The following IQCM variants were observed in gnomAD, a reference collection of about 807,000 sequenced individuals.
The protein encoded by IQCM is IQ motif containing M.
IQCM carries 45 observed loss-of-function variants against 57.6 expected under a neutral mutation model. That is an observed-to-expected ratio of 0.78 (90% confidence interval 0.62 to 1.00). The LOEUF (loss-of-function observed/expected upper bound fraction) is 1.00, where lower values mean the gene tolerates loss of function less well. Ranked by LOEUF, IQCM falls within the 50% of genes least tolerant of loss-of-function variation. The probability of loss-of-function intolerance (pLI) is 0.00; values close to 1 mark genes in which losing one functional copy is unlikely to be tolerated. For missense variants in IQCM, 468 were observed against 511.6 expected, an observed-to-expected ratio of 0.91 and a Z score of 0.82; for synonymous variants, 148 against 158.9, an observed-to-expected ratio of 0.93 and a Z score of 0.51.
intron 7 of IQCM, among the ~76,000 whole-genome samples, chr4:149,622,795 C>G (rs1756464647): frequency 6.6e-6 from 1 of 152,106 alleles, no homozygotes; most frequent in African/African-American, 2.4e-5. Context: ...AAGAATTCCC[C>G]AGCTCATGGG....
chr4:149,370,881 T>TAA (rs56752463), intron 13 of IQCM, among the ~76,000 whole-genome samples: 27,359 of 152,108 alleles, frequency 0.18, 2,629 homozygotes, highest in South Asian at 0.33. Flanking sequence ...TTTATTTTGT[T>TAA]AATTCTTTAT....
chr4:149,571,238 A>G (rs1006400945), intron 9 of IQCM, among the ~76,000 whole-genome samples: 1 of 152,128 alleles, frequency 6.6e-6, no homozygotes, highest in East Asian at 1.9e-4. Flanking sequence ...TATGGAATCA[A>G]CCTAAGTGTT....
At chr4:149,682,265 C>A (rs1031180522) in intron 6 of IQCM, 59 bp from the exon 7 acceptor site, 1 of 671,260 alleles carries the variant, frequency 1.5e-6, no homozygotes, top group Non-Finnish European at 2.1e-6. Context: ...TAATACAAAT[C>A]TTCAACACTA....
chr4:149,589,820 G>A (rs1452492889), intron 8 of IQCM, among the ~76,000 whole-genome samples: 3 of 151,950 alleles, frequency 2.0e-5, no homozygotes, highest in Non-Finnish European at 4.4e-5. Flanking sequence ...AATAAAGCAG[G>A]AAGCAGGACC....
chr4:149,396,983 T>C (rs1732274540), intron 13 of IQCM, among the ~76,000 whole-genome samples: 1 of 152,022 alleles, frequency 6.6e-6, no homozygotes. Flanking sequence ...ATCTTGGCTA[T>C]TGTGAATCAT....
At chr4:149,388,346 A>G (rs1731571500) in intron 13 of IQCM, among the ~76,000 whole-genome samples, 2 of 151,398 alleles carry the variant, frequency 1.3e-5, no homozygotes, top group African/African-American at 4.8e-5. Flanking sequence ...TCATGGATAT[A>G]TGAATACATT....
chr4:149,488,728 T>C (rs1741784943), intron 12 of IQCM, among the ~76,000 whole-genome samples: 1 of 152,022 alleles, frequency 6.6e-6, no homozygotes, highest in South Asian at 2.1e-4. Flanking sequence ...TAACTTTAAT[T>C]TGGAACAATT....
intron 12 of IQCM, among the ~76,000 whole-genome samples, chr4:149,442,611 T>C (rs11099733): frequency 0.22 from 32,967 of 151,940 alleles, 4,483 homozygotes; most frequent in Non-Finnish European, 0.29. Context: ...AGCATGCACC[T>C]CATTTCCTCT....
intron 13 of IQCM, among the ~76,000 whole-genome samples, chr4:149,365,546 A>C (rs1431343684): frequency 6.6e-6 from 1 of 152,182 alleles, no homozygotes; most frequent in Non-Finnish European, 1.5e-5. Context: ...TTCATAAAAC[A>C]GAAAATGTAA....
intron 12 of IQCM, among the ~76,000 whole-genome samples, chr4:149,450,666 C>A (rs1168225828): frequency 6.6e-6 from 1 of 151,762 alleles, no homozygotes; most frequent in African/African-American, 2.4e-5. Flanking sequence ...AAGATATAAT[C>A]TCATCTTAGA....
chr4:149,603,786 GA>G (rs929470159), intron 8 of IQCM, among the ~76,000 whole-genome samples: 15 of 150,312 alleles, frequency 1.0e-4, no homozygotes, highest in Admixed American at 2.6e-4. Flanking sequence ...TGTCAATATA[GA>G]AAAAAAAATT....
intron 12 of IQCM, among the ~76,000 whole-genome samples, chr4:149,533,554 T>C (rs1252307329): frequency 2.0e-5 from 3 of 151,940 alleles, no homozygotes; most frequent in African/African-American, 7.3e-5. Context: ...CATAAAGAAA[T>C]AGAAGCTTAA....
At chr4:149,386,156 C>A (rs1273514682) in intron 13 of IQCM, among the ~76,000 whole-genome samples, 1 of 152,068 alleles carries the variant, frequency 6.6e-6, no homozygotes, top group African/African-American at 2.4e-5. Context: ...AGTTTGTGCA[C>A]CTGTAATTTA....
At chr4:149,789,146 A>G (rs535465661) in intron 2 of IQCM, among the ~76,000 whole-genome samples, 1 of 152,324 alleles carries the variant, frequency 6.6e-6, no homozygotes, top group East Asian at 1.9e-4. Flanking sequence ...GCTAGAAGAG[A>G]GGGCTTAAAA....
chr4:149,370,258 CA>C (rs1730271540), intron 13 of IQCM, among the ~76,000 whole-genome samples: 1 of 152,070 alleles, frequency 6.6e-6, no homozygotes, highest in South Asian at 2.1e-4. Flanking sequence ...GGCCACAGTC[CA>C]AATATTGGCA....
intron 12 of IQCM, among the ~76,000 whole-genome samples, chr4:149,538,040 A>G (rs1747476693): frequency 6.6e-6 from 1 of 151,406 alleles, no homozygotes; most frequent in African/African-American, 2.4e-5. Flanking sequence ...GAATATATAT[A>G]TACATTTGCA....
At chr4:149,579,432 T>G (rs1209510983) in intron 9 of IQCM, among the ~76,000 whole-genome samples, 1 of 151,866 alleles carries the variant, frequency 6.6e-6, no homozygotes, top group Non-Finnish European at 1.5e-5. Flanking sequence ...ACTGGTTATT[T>G]TGTGTCCTCT....
chr4:149,453,135 T>C (rs1737313451), intron 12 of IQCM, among the ~76,000 whole-genome samples: 1 of 151,370 alleles, frequency 6.6e-6, no homozygotes, highest in Non-Finnish European at 1.5e-5. Flanking sequence ...GAGACTTGTA[T>C]ACTAAAAACT....
At chr4:149,791,352 A>C (rs1403758338) in intron 2 of IQCM, among the ~76,000 whole-genome samples, 1 of 152,182 alleles carries the variant, frequency 6.6e-6, no homozygotes, top group Non-Finnish European at 1.5e-5. Flanking sequence ...TGATATAAGC[A>C]TATGTTGTGC....
Sources: gnomAD v4.1 joint callset for allele counts (sites outside exome capture counted in the v4.1 genomes callset) on GRCh38, gnomAD v4.1.1 for gene constraint, MANE v1.5 for transcripts, NCBI Gene and HGNC (gene_info 2026-07-23, HGNC 2026-07-21) for gene names.